ELAPOR1: variants seen among roughly 807,000 people sequenced by gnomAD.
ELAPOR1 encodes endosome-lysosome associated apoptosis and autophagy regulator 1, also known as endosome/lysosome-associated apoptosis and autophagy regulator 1.
A neutral mutation model predicts 119.7 loss-of-function variants in ELAPOR1; 77 were observed. The observed-to-expected ratio is 0.64, with a 90% CI of 0.54 to 0.78. The LOEUF (loss-of-function observed/expected upper bound fraction) is 0.78, where lower values mean the gene tolerates loss of function less well. ELAPOR1 is among the 30% of genes least tolerant of loss of function. The probability of loss-of-function intolerance (pLI) is 0.00; values close to 1 mark genes in which losing one functional copy is unlikely to be tolerated. For synonymous variants in ELAPOR1, 481 were observed against 487.2 expected (o/e 0.99, Z 0.17); for missense variants, 1,115 against 1,270.4 (o/e 0.88, Z 1.86).
intron 1 of ELAPOR1, among the ~76,000 whole-genome samples, chr1:109,117,356 C>G (rs1648081983): frequency 6.6e-6 from 1 of 152,192 alleles, no homozygotes; most frequent in African/African-American, 2.4e-5. Context: ...GAGCATTTCC[C>G]AAGGTGCAGT....
At chr1:109,150,827 C>T (rs987807820) in intron 1 of ELAPOR1, among the ~76,000 whole-genome samples, 1 of 152,162 alleles carries the variant, frequency 6.6e-6, no homozygotes. Flanking sequence ...TAAAGTATTG[C>T]AGCCACCCTG....
At position 109,132,469 on chromosome 1, in the gene ELAPOR1, C is replaced by T. The variant is rs1307721788; in HGVS notation, c.153+18133C>T. On this transcript the variant is annotated intron_variant, in intron 1 of 21. Coordinates refer to ENST00000369939, the MANE Select transcript of ELAPOR1 (RefSeq NM_020775.5). ...CCTGCCAGGCATTATTTATAGAGAG[C>T]TTGTAGTCTAATGGGAGAGGTACAT... Among the ~76,000 whole-genome samples the T allele has an allele frequency of 2.0e-5, 3 of 152,180 alleles. No individual in the cohort carries two copies. The East Asian group carries it at 5.8e-4, about 29-fold the overall frequency.
Position 109,151,260 on chromosome 1 carries a change from A to G in ELAPOR1, c.154-10634A>G, listed in dbSNP as rs1650514223. Among the ~76,000 whole-genome samples the G allele has an allele frequency of 2.6e-5, 4 of 152,276 alleles. 1 individual carries two copies. Among genetic ancestry groups the G allele is most frequent in the Middle Eastern group, 6.8e-3 (2 of 294 alleles). On this transcript the variant is annotated intron_variant, in intron 1 of 21. Coordinates refer to ENST00000369939, the MANE Select transcript of ELAPOR1 (RefSeq NM_020775.5). The stretch of plus-strand genomic sequence containing the variant: ...CAGGCAGTTTTGATCAGACAAACAT[A>G]GGCCTCAGAGGTCTAGAGCTGGTGC...
intron 1 of ELAPOR1, among the ~76,000 whole-genome samples, chr1:109,151,166 GAGA>G (rs1264202304): frequency 2.0e-5 from 3 of 152,128 alleles, no homozygotes; most frequent in Non-Finnish European, 4.4e-5. Flanking sequence ...GGGGAGGAAG[GAGA>G]AGAAGAGCTA....
intron 1 of ELAPOR1, among the ~76,000 whole-genome samples, chr1:109,118,106 G>T (rs1192321246): frequency 6.6e-6 from 1 of 150,624 alleles, no homozygotes; most frequent in African/African-American, 2.4e-5. Context: ...CAGCCTGGGC[G>T]ACAAGAATGA....
chr1:109,117,459 C>T (rs1009741547), intron 1 of ELAPOR1, among the ~76,000 whole-genome samples: 4 of 152,156 alleles, frequency 2.6e-5, no homozygotes, highest in African/African-American at 9.7e-5. Flanking sequence ...CAAAGGGGTT[C>T]CCCAGTCTAT....
intron 1 of ELAPOR1, among the ~76,000 whole-genome samples, chr1:109,144,061 A>ATATATATATATATTTTTTT: frequency 1.1e-5 from 1 of 88,990 alleles, no homozygotes; most frequent in African/African-American, 4.8e-5. Context: ...ATATTTATAT[A>ATATATATATATATTTTTTT]TTTTTTTTTT....
At chr1:109,195,294 C>A (rs67470319) in intron 15 of ELAPOR1, among the ~76,000 whole-genome samples, 102,555 of 151,724 alleles carry the variant, frequency 0.68, 37,266 homozygotes, top group East Asian at 0.97. Context: ...GAGATCGAGA[C>A]CATTCTGGCT....
chr1:109,167,021 G>C (rs1651643014), intron 3 of ELAPOR1, among the ~76,000 whole-genome samples: 1 of 152,202 alleles, frequency 6.6e-6, no homozygotes, highest in Non-Finnish European at 1.5e-5. Context: ...GTTCAACTTG[G>C]TGTGTCAGAT....
chr1:109,139,495 AC>A (rs1221730753), intron 1 of ELAPOR1, among the ~76,000 whole-genome samples: 1 of 152,186 alleles, frequency 6.6e-6, no homozygotes, highest in Admixed American at 6.5e-5. Flanking sequence ...AAAACCAGAG[AC>A]AGGAGAGTGC....
intron 17 of ELAPOR1, among the ~76,000 whole-genome samples, chr1:109,198,333 G>C (rs557671100): frequency 6.6e-6 from 1 of 152,178 alleles, no homozygotes; most frequent in Non-Finnish European, 1.5e-5. Context: ...GCCTAAGCAG[G>C]CTCCAGTGTA....
At chr1:109,197,935 C>A in intron 16 of ELAPOR1, 44 bp from the exon 17 acceptor site, 2 of 1,509,334 alleles carry the variant, frequency 1.3e-6, no homozygotes, top group Non-Finnish European at 1.8e-6. Flanking sequence ...TGGTTGCCAG[C>A]TAATGCTACT....
chr1:109,152,986 C>A (rs1021637443), intron 1 of ELAPOR1, among the ~76,000 whole-genome samples: 2 of 150,074 alleles, frequency 1.3e-5, no homozygotes, highest in Admixed American at 1.3e-4. Context: ...AAAAAAGGAC[C>A]ACGAAAAATG....
At chr1:109,187,649 T>G in intron 8 of ELAPOR1, 1 of 1,000,858 alleles carries the variant, frequency 1.0e-6, no homozygotes, top group Non-Finnish European at 1.2e-6. Flanking sequence ...GGGCCATGTT[T>G]CATTCATCTC....
chr1:109,200,997 C>CA (rs1654139413), intron 21 of ELAPOR1, 97 bp downstream of exon 21: 1 of 1,182,142 alleles, frequency 8.5e-7, no homozygotes, highest in African/African-American at 1.5e-5. Flanking sequence ...CAGGGATGGG[C>CA]ACCCTGCTCC....
At chr1:109,162,931 G>C (rs1651351920) in intron 2 of ELAPOR1, among the ~76,000 whole-genome samples, 1 of 152,216 alleles carries the variant, frequency 6.6e-6, no homozygotes, top group African/African-American at 2.4e-5. Context: ...CACACTCTCT[G>C]CTTTCAGAAG....
chr1:109,173,838 G>A lies in ELAPOR1; in HGVS notation c.952+1G>A, dbSNP rs1349122403. ...CAGTGTGACCCTGACAAATACTCAG[G>A]TGATGTTTCTGAGGGTGGGAAGAGT... On this transcript the variant is annotated splice_donor_variant, in intron 7 of 21. Transcript: ENST00000369939. LOFTEE classifies it high-confidence loss of function. 7 of 1,613,770 alleles carry A rather than the reference G, an allele frequency of 4.3e-6. No homozygotes were observed. Among genetic ancestry groups the A allele is most frequent in the Non-Finnish European group, 5.1e-6 (6 of 1,179,858 alleles).
chr1:109,132,061 T>A (rs1156248643), intron 1 of ELAPOR1, among the ~76,000 whole-genome samples: 1 of 152,202 alleles, frequency 6.6e-6, no homozygotes, highest in East Asian at 1.9e-4. Context: ...AGATACTTGT[T>A]TTGGACAACA....
At chr1:109,199,165 G>A (rs1489299629) in intron 18 of ELAPOR1, among the ~76,000 whole-genome samples, 2 of 152,158 alleles carry the variant, frequency 1.3e-5, no homozygotes, top group Non-Finnish European at 1.5e-5. Flanking sequence ...TCTCTGCAAC[G>A]AAAATACCCA....
Sources: allele counts gnomAD v4.1 joint callset (sites outside exome capture counted in the v4.1 genomes callset), GRCh38; gene constraint gnomAD v4.1.1; transcripts MANE v1.5; gene names NCBI Gene and HGNC (gene_info 2026-07-23, HGNC 2026-07-21).